Variants in PLCZ1 observed in about 807,000 individuals in gnomAD.
PLCZ1 encodes the protein phospholipase C zeta 1.
A neutral mutation model predicts 76.8 loss-of-function variants in PLCZ1; 64 were observed. The observed-to-expected ratio is 0.83, with a 90% CI of 0.68 to 1.03. The LOEUF is 1.03. Among genes scored for constraint, PLCZ1 ranks in the 50% least tolerant of loss-of-function variants. PLCZ1 has a pLI of 0.00. For missense variants in PLCZ1, 751 were observed against 713.7 expected (o/e 1.05, Z -0.60); for synonymous variants, 248 against 230.8 (o/e 1.07, Z -0.68).
chr12:18,663,263 T>A, the PLCZ1 span, among the ~76,000 whole-genome samples: 1 of 152,062 alleles, frequency 6.6e-6, no homozygotes, highest in Non-Finnish European at 1.5e-5. Context: ...GACATCTAAA[T>A]TTGAAAAGAA....
At chr12:18,681,095 T>G (rs1591941328), downstream of PLCZ1, among the ~76,000 whole-genome samples, 1 of 152,168 alleles carries the variant, frequency 6.6e-6, no homozygotes, top group Non-Finnish European at 1.5e-5. Flanking sequence ...AGAGTGGCTG[T>G]GTCCGGGTTG....
the PLCZ1 span, among the ~76,000 whole-genome samples, chr12:18,664,155 C>A: frequency 6.6e-6 from 1 of 152,144 alleles, no homozygotes; most frequent in East Asian, 1.9e-4. Context: ...AGAATTGGAA[C>A]GCTTATGTAC....
chr12:18,721,279 G>A (rs1255631172), intron 4 of PLCZ1, among the ~76,000 whole-genome samples: 4 of 152,028 alleles, frequency 2.6e-5, no homozygotes, highest in Non-Finnish European at 4.4e-5. Flanking sequence ...TTTGGTGCCT[G>A]TCACATACCA....
At chr12:18,699,073 A>G (rs1848189593) in intron 10 of PLCZ1, among the ~76,000 whole-genome samples, 1 of 152,116 alleles carries the variant, frequency 6.6e-6, no homozygotes, top group African/African-American at 2.4e-5. Context: ...TACCTTGGGC[A>G]CTGCCAAACA....
chr12:18,728,263 A>G (rs1213491583), intron 3 of PLCZ1, among the ~76,000 whole-genome samples: 1 of 152,168 alleles, frequency 6.6e-6, no homozygotes, highest in Non-Finnish European at 1.5e-5. Flanking sequence ...ATATGAAGAA[A>G]TTATATCAAC....
At chr12:18,695,231 T>A in intron 11 of PLCZ1, 152 bp from the exon 12 acceptor site, 1 of 812,828 alleles carries the variant, frequency 1.2e-6, no homozygotes, top group Non-Finnish European at 1.9e-6. Flanking sequence ...TTTTTAAAAC[T>A]CTTTCTCCTG....
chr12:18,729,913 A>C (rs1223287392), intron 3 of PLCZ1, among the ~76,000 whole-genome samples: 3 of 152,154 alleles, frequency 2.0e-5, no homozygotes, highest in Non-Finnish European at 2.9e-5. Flanking sequence ...ACGTCAGCTT[A>C]GATAATGAAT....
the PLCZ1 span, among the ~76,000 whole-genome samples, chr12:18,649,703 C>T: frequency 1.3e-5 from 2 of 152,272 alleles, no homozygotes; most frequent in South Asian, 4.1e-4. Flanking sequence ...CTGTTGACCT[C>T]CAATTAGCTA....
intron 12 of PLCZ1, among the ~76,000 whole-genome samples, chr12:18,691,547 A>G (rs773391202): frequency 6.6e-6 from 1 of 152,158 alleles, no homozygotes; most frequent in African/African-American, 2.4e-5. Context: ...GCCACAAGTA[A>G]AAATGACAAT....
At position 18,702,818 on chromosome 12, in the gene PLCZ1, C is replaced by CTTTTTT. The variant is rs71064022; in HGVS notation, c.865-1048_865-1043dup. On this transcript the variant is annotated intron_variant, in intron 7 of 14. Transcript: ENST00000266505. ...GACTGAATATTGTAGGATAAAGTAA[C>CTTTTTT]TTTTTTTTTTTTTTTTTTTTGAGAC... Among the ~76,000 whole-genome samples, 107 of 116,582 alleles carry CTTTTTT rather than the reference C, an allele frequency of 9.2e-4. 3 individuals carry two copies. Among genetic ancestry groups the CTTTTTT allele is most frequent in the East Asian group, 2.1e-3 (8 of 3,864 alleles). 76.5% of individuals were successfully genotyped at this position (116,582 alleles called of 152,430 possible). A position where few individuals can be genotyped will look rare whatever the true frequency, so the allele number is the denominator to read the frequency against.
At position 18,730,239 on chromosome 12, in the gene PLCZ1, T is replaced by G. The variant is rs74381058; in HGVS notation, c.135+5982A>C. On this transcript the variant is annotated intron_variant, in intron 3 of 14. Transcript: ENST00000266505. ...TCTGGGAAAAGGTGCATCCATAAAA[T>G]GAGAAAAAATTAGCAACAAGAGTTG... 2.0e-3 allele frequency among the ~76,000 whole-genome samples: 301 copies of G among 151,014 alleles called. 1 individual carries two copies. Among genetic ancestry groups the G allele is most frequent in the African/African-American group, 7.2e-3 (295 of 40,954 alleles).
In PLCZ1 at chr12:18,719,621, G is replaced by T. The variant is rs375295991; in HGVS notation, c.379C>A (p.His127Asn). 4 of 1,598,200 alleles carry T rather than the reference G, an allele frequency of 2.5e-6. No homozygotes were observed. The East Asian group carries it at 9.0e-5, about 36-fold the overall frequency. The change falls in exon 5 of 15, where the codon CAC becomes AAC. Residue 127 changes from histidine to asparagine, a missense_variant. By Grantham distance (68) the His-to-Asn change is moderately conservative. Transcript: ENST00000266505. ...GTAAAACCTTCTAATGACATTTGGTGTGCTTTCCTAACTAAAAAAATAAAA... is the reference window on the plus strand; with the variant it reads ...GTAAAACCTTCTAATGACATTTGGTTTGCTTTCCTAACTAAAAAAATAAAA... ...YEPIEEVRKA[H>N]QMSLEGFTRY...
At chr12:18,674,246 TTAATA>T in the PLCZ1 span, among the ~76,000 whole-genome samples, 1 of 152,322 alleles carries the variant, frequency 6.6e-6, no homozygotes, top group African/African-American at 2.4e-5. Flanking sequence ...AAACAATAGC[TTAATA>T]TAATAATGAC....
At chr12:18,730,534 GCAAACT>G in intron 3 of PLCZ1, among the ~76,000 whole-genome samples, 1 of 152,020 alleles carries the variant, frequency 6.6e-6, no homozygotes, top group Admixed American at 6.6e-5. Flanking sequence ...AGTATTCTTA[GCAAACT>G]CTGTGTCTCT....
intron 9 of PLCZ1, among the ~76,000 whole-genome samples, chr12:18,700,512 C>CAAAAAAAAAAAAAAAAAAAA (rs11324526): frequency 1.5e-5 from 1 of 67,896 alleles, no homozygotes. Flanking sequence ...AGCCAACGTA[C>CAAAAAAAAAAAAAAAAAAAA]AAAAAAAAAA....
chr12:18,729,704 T>C (rs907555727), intron 3 of PLCZ1, among the ~76,000 whole-genome samples: 6 of 152,084 alleles, frequency 3.9e-5, no homozygotes, highest in East Asian at 1.9e-4. Context: ...ATAAAGACTA[T>C]TGCATGATAA....
chr12:18,650,724 A>ATTCCAG, the PLCZ1 span, among the ~76,000 whole-genome samples: 1 of 19,260 alleles, frequency 5.2e-5, no homozygotes, highest in East Asian at 2.1e-3. Flanking sequence ...ATATATATAT[A>ATTCCAG]TATATATATA....
At chr12:18,672,238 C>CTTTTAATGAGAAAA in the PLCZ1 span, among the ~76,000 whole-genome samples, 1 of 152,106 alleles carries the variant, frequency 6.6e-6, no homozygotes, top group Admixed American at 6.5e-5. Flanking sequence ...GTTGTTACTG[C>CTTTTAATGAGAAAA]TTTTAATGAG....
chr12:18,653,193 C>G, the PLCZ1 span, among the ~76,000 whole-genome samples: 2 of 152,112 alleles, frequency 1.3e-5, no homozygotes. Flanking sequence ...CCAGCATTGG[C>G]AGCATGGTTT....
Sources: allele counts gnomAD v4.1 joint callset (sites outside exome capture counted in the v4.1 genomes callset), GRCh38; gene constraint gnomAD v4.1.1; transcripts MANE v1.5; gene names NCBI Gene and HGNC (gene_info 2026-07-23, HGNC 2026-07-21).